CCDC85C: variants seen among roughly 807,000 people sequenced by gnomAD.
The protein encoded by CCDC85C is coiled-coil domain containing 85C.
A neutral mutation model predicts 38.3 loss-of-function variants in CCDC85C; 18 were observed. That is an observed-to-expected ratio of 0.47 (90% CI 0.33 to 0.70). The LOEUF (loss-of-function observed/expected upper bound fraction) is 0.70, where lower values mean the gene tolerates loss of function less well. Ranked by LOEUF, CCDC85C falls within the 30% of genes least tolerant of loss-of-function variation. CCDC85C has a pLI of 0.03. For missense variants in CCDC85C, 566 were observed against 621.2 expected (o/e 0.91, Z 0.94); for synonymous variants, 264 against 293.8 (o/e 0.90, Z 1.04).
At chr14:99,597,189 C>G (rs1032566891) in intron 1 of CCDC85C, among the ~76,000 whole-genome samples, 12 of 152,138 alleles carry the variant, frequency 7.9e-5, no homozygotes, top group South Asian at 4.1e-4. Flanking sequence ...CCACCACCCC[C>G]CAAGCCAGAC....
At chr14:99,577,737 C>T (rs982114487) in intron 1 of CCDC85C, among the ~76,000 whole-genome samples, 11 of 144,902 alleles carry the variant, frequency 7.6e-5, no homozygotes, top group Non-Finnish European at 1.6e-4. Context: ...CTGCATCCCC[C>T]ATCAGTGTGT....
In CCDC85C at chr14:99,535,661, C is replaced by T. The variant is rs866643261; in HGVS notation, c.867+354G>A. Among the ~76,000 whole-genome samples the T allele has an allele frequency of 2.0e-5, 3 of 152,136 alleles. No homozygotes were observed. Among genetic ancestry groups the T allele is most frequent in the South Asian group, 2.1e-4 (1 of 4,830 alleles). On this transcript the variant is annotated intron_variant, in intron 2 of 5. Transcript: ENST00000380243. The surrounding 1 kb of genome is among the most constrained non-coding windows in gnomAD (Gnocchi z 5.5). ...GCCAGTGAGTCCAGCACGGCAGAGGCGGGGAGGCTTCCGTGTGAGTCTGCC... is the reference window on the plus strand; with the variant it reads ...GCCAGTGAGTCCAGCACGGCAGAGGTGGGGAGGCTTCCGTGTGAGTCTGCC...
chr14:99,520,031 C>T lies in CCDC85C; in HGVS notation c.975+2102G>A, dbSNP rs904276173. 6.6e-6 allele frequency among the ~76,000 whole-genome samples: 1 copy of T among 152,190 alleles called. No individual in the cohort carries two copies. Among genetic ancestry groups the T allele is most frequent in the South Asian group, 2.1e-4 (1 of 4,832 alleles). Reference sequence around the variant, plus strand: ...GAGGCTGATGGGTATAAACCACCTCCCACCCTCCACTGGGCACCTGCCCTG... The same window carrying T: ...GAGGCTGATGGGTATAAACCACCTCTCACCCTCCACTGGGCACCTGCCCTG... On this transcript the variant is annotated intron_variant, in intron 3 of 5. Coordinates refer to ENST00000380243, the MANE Select transcript of CCDC85C (RefSeq NM_001144995.2). The surrounding 1 kb of genome is among the most constrained non-coding windows in gnomAD (Gnocchi z 4.1).
At chr14:99,532,867 C>T (rs945457431) in intron 2 of CCDC85C, among the ~76,000 whole-genome samples, 4 of 151,578 alleles carry the variant, frequency 2.6e-5, no homozygotes, top group Admixed American at 6.6e-5. Context: ...CTGCAACCTC[C>T]GCCTCCCAGG....
chr14:99,566,098 A>C (rs1463783320), intron 1 of CCDC85C, among the ~76,000 whole-genome samples: 3 of 152,210 alleles, frequency 2.0e-5, no homozygotes, highest in Non-Finnish European at 4.4e-5. Context: ...GAGACTAGGG[A>C]AGGAAGCTGC....
rs1340934860 is a variant in CCDC85C, at chr14:99,572,838, G to A, written c.793+30329C>T. The A allele has an allele frequency of 4.4e-6, 2 of 455,972 alleles. No individual in the cohort carries two copies. The highest frequency in any genetic ancestry group is 1.5e-5 in the South Asian group (1 of 64,558). 28.2% of individuals were successfully genotyped at this position (455,972 alleles called of 1,614,324 possible). ...CAGGAGCATGGAAACGGGGCCTGGTGTGCAACAGGTGCTCAGTAAACGGCT... is the reference window on the plus strand; with the variant it reads ...CAGGAGCATGGAAACGGGGCCTGGTATGCAACAGGTGCTCAGTAAACGGCT... On this transcript the variant is annotated intron_variant, in intron 1 of 5. Coordinates refer to ENST00000380243, the MANE Select transcript of CCDC85C (RefSeq NM_001144995.2). This position sits in a 1 kb window ranked among gnomAD's most constrained non-coding sequence, Gnocchi z 4.4.
In CCDC85C at chr14:99,545,474, G is replaced by A. The variant is rs953216478; in HGVS notation, c.794-9386C>T. On this transcript the variant is annotated intron_variant, in intron 1 of 5. Coordinates refer to ENST00000380243, the MANE Select transcript of CCDC85C (RefSeq NM_001144995.2). The surrounding 1 kb of genome is among the most constrained non-coding windows in gnomAD (Gnocchi z 4.7). ...GCCTGACAAGCCAAATGAAAACTGTGTAATTGCTTCAAATATGGGGACAAG... is the reference window on the plus strand; with the variant it reads ...GCCTGACAAGCCAAATGAAAACTGTATAATTGCTTCAAATATGGGGACAAG... 4.6e-5 allele frequency among the ~76,000 whole-genome samples: 7 copies of A among 152,100 alleles called. No individual in the cohort carries two copies. The highest frequency in any genetic ancestry group is 5.9e-5 in the Non-Finnish European group (4 of 68,022).
chr14:99,503,130 G>T lies in CCDC85C; in HGVS notation c.*12116C>A. ...ACTCGCAGTCCGACTGCTTGTCGGT[G>T]GGGAGCCTGAAAACAAAGGTGCTCC... On this transcript the variant is annotated 3_prime_UTR_variant, in exon 6 of 6. Transcript: ENST00000380243. 1 of 941,998 alleles carries T rather than the reference G, an allele frequency of 1.1e-6. No individual in the cohort carries two copies. Among genetic ancestry groups the T allele is most frequent in the Non-Finnish European group, 1.7e-6 (1 of 590,692 alleles). The allele number at this position is 941,998 out of a possible 1,614,324, so 58.4% of individuals were successfully genotyped here.
In CCDC85C at chr14:99,502,145, C is replaced by T; in HGVS notation, c.*13101G>A. 1.3e-6 allele frequency: 2 copies of T among 1,486,040 alleles called. No homozygotes were observed. The highest frequency in any genetic ancestry group is 1.8e-6 in the Non-Finnish European group (2 of 1,112,898). 92.1% of individuals were successfully genotyped at this position (1,486,040 alleles called of 1,614,324 possible). ...AATGGTTAGTTATGGCATCTCCATG[C>T]ACTGGTTTAATCATAAATATTAGAT... On this transcript the variant is annotated 3_prime_UTR_variant, in exon 6 of 6. Transcript: ENST00000380243.
chr14:99,532,839 T>TG (rs1595346318), intron 2 of CCDC85C, among the ~76,000 whole-genome samples: 1 of 148,400 alleles, frequency 6.7e-6, no homozygotes, highest in Non-Finnish European at 1.5e-5. Context: ...TGGAGTGCAG[T>TG]GGGGCAATCT....
Position 99,515,286 on chromosome 14 carries a change from C to G in CCDC85C, c.1220G>C (p.Arg407Pro), listed in dbSNP as rs1471348180. The stretch of plus-strand genomic sequence containing the variant: ...GAACTGGTTCCCAGACAGGTGCTGC[C>G]GTATGGAGGGCTTGGAGCTGGCTGC... ...GDAASSKPSI[R>P]QHLSGNQFKG... Residue 407 changes from arginine to proline, a missense_variant, in exon 6 of 6, where the codon CGG becomes CCG. By Grantham distance (103) the Arg-to-Pro change is moderately radical (BLOSUM62 -2). Transcript: ENST00000380243. The G allele has an allele frequency of 6.4e-7, 1 of 1,550,898 alleles. No homozygotes were observed. The highest frequency in any genetic ancestry group is 1.2e-5 in the South Asian group (1 of 84,056).
Position 99,502,642 on chromosome 14 carries a change from T to C in CCDC85C, c.*12604A>G. 2.1e-6 allele frequency: 3 copies of C among 1,411,806 alleles called. No individual in the cohort carries two copies. The highest frequency in any genetic ancestry group is 3.0e-6 in the Non-Finnish European group (3 of 1,014,056). The allele number at this position is 1,411,806 out of a possible 1,614,324, so 87.5% of individuals were successfully genotyped here. A position where few individuals can be genotyped will look rare whatever the true frequency, so the allele number is the denominator to read the frequency against. On this transcript the variant is annotated 3_prime_UTR_variant, in exon 6 of 6. Transcript: ENST00000380243. Reference sequence around the variant, plus strand: ...TGCTTAGGTCCTCGTAGGGGTATCATAACTGATTCTTTATCCAGGTAAAAT... The same window carrying C: ...TGCTTAGGTCCTCGTAGGGGTATCACAACTGATTCTTTATCCAGGTAAAAT...
chr14:99,591,205 C>T (rs1480555528), intron 1 of CCDC85C, among the ~76,000 whole-genome samples: 1 of 152,240 alleles, frequency 6.6e-6, no homozygotes, highest in African/African-American at 2.4e-5. Context: ...GAAGCCTTTG[C>T]GGCCTCATTT....
chr14:99,574,290 G>T (rs1441394774), intron 1 of CCDC85C, among the ~76,000 whole-genome samples: 1 of 148,356 alleles, frequency 6.7e-6, no homozygotes, highest in Non-Finnish European at 1.5e-5. Context: ...TTGCTCCAGG[G>T]ATTTTTTTTT....
intron 2 of CCDC85C, among the ~76,000 whole-genome samples, chr14:99,531,025 A>T (rs929837491): frequency 1.3e-5 from 2 of 152,202 alleles, no homozygotes; most frequent in East Asian, 3.9e-4. Context: ...TACAACATCC[A>T]TGTCAGGAAA....
chr14:99,589,333 G>A (rs2055060974), intron 1 of CCDC85C, among the ~76,000 whole-genome samples: 1 of 152,306 alleles, frequency 6.6e-6, no homozygotes, highest in South Asian at 2.1e-4. Context: ...CCCGCAGAAC[G>A]CTGTTGGATT....
intron 1 of CCDC85C, among the ~76,000 whole-genome samples, chr14:99,568,260 T>A (rs1898260959): frequency 7.2e-6 from 1 of 139,154 alleles, no homozygotes. Flanking sequence ...ATTTTTTTTT[T>A]TTTTTTTTTT....
chr14:99,587,780 C>T (rs79242270), intron 1 of CCDC85C, among the ~76,000 whole-genome samples: 3 of 152,154 alleles, frequency 2.0e-5, no homozygotes, highest in Non-Finnish European at 4.4e-5. Flanking sequence ...CCTTACTGCA[C>T]GGGGGCTGAC....
chr14:99,536,581 T>C (rs2139919325), intron 1 of CCDC85C, among the ~76,000 whole-genome samples: 1 of 152,312 alleles, frequency 6.6e-6, no homozygotes, highest in Non-Finnish European at 1.5e-5. Flanking sequence ...ACTTGCCAAG[T>C]CAGCATCTGG....
Sources: gnomAD v4.1 joint callset for allele counts (sites outside exome capture counted in the v4.1 genomes callset) on GRCh38, gnomAD v4.1.1 for gene constraint, Gnocchi (gnomAD v3.1) non-coding constraint, MANE v1.5 for transcripts, NCBI Gene and HGNC (gene_info 2026-07-23, HGNC 2026-07-21) for gene names.